Variants in RIMS2 observed in about 807,000 individuals in gnomAD.
The protein encoded by RIMS2 is regulating synaptic membrane exocytosis protein 2.
A neutral mutation model predicts 174.4 loss-of-function variants in RIMS2; 59 were observed. That is an observed-to-expected ratio of 0.34 (90% CI 0.27 to 0.42). The LOEUF is 0.42. Among genes scored for constraint, RIMS2 ranks in the 10% least tolerant of loss-of-function variants. The pLI, the probability that RIMS2 is intolerant of heterozygous loss-of-function variation, is 1.00. For synonymous variants in RIMS2, 606 were observed against 572.5 expected, an observed-to-expected ratio of 1.06 and a Z score of -0.84; for missense variants, 1,620 against 1,666.3, an observed-to-expected ratio of 0.97 and a Z score of 0.48.
intron 22 of RIMS2, among the ~76,000 whole-genome samples, chr8:104,250,521 T>C (rs1201082159): frequency 6.6e-6 from 1 of 152,208 alleles, no homozygotes; most frequent in Non-Finnish European, 1.5e-5. Context: ...GTTGGATAAA[T>C]TTTAAGCCAT....
chr8:103,614,100 A>T (rs2095449956), intron 1 of RIMS2, among the ~76,000 whole-genome samples: 1 of 152,238 alleles, frequency 6.6e-6, no homozygotes, highest in Non-Finnish European at 1.5e-5. Flanking sequence ...TCCCAGCACT[A>T]GAAGTTGCCT....
chr8:103,619,615 A>G (rs1199489105), intron 1 of RIMS2, among the ~76,000 whole-genome samples: 2 of 152,098 alleles, frequency 1.3e-5, no homozygotes, highest in East Asian at 3.9e-4. Context: ...AATCAGAACT[A>G]CAAAAAGGAG....
chr8:103,520,826 A>G (rs80327507), intron 1 of RIMS2, among the ~76,000 whole-genome samples: 9,709 of 152,118 alleles, frequency 0.064, 393 homozygotes, highest in South Asian at 0.087. Flanking sequence ...CCATCTTTCA[A>G]ATAGTTTCAT....
chr8:103,833,453 ATTG>A (rs1424867510), intron 3 of RIMS2, among the ~76,000 whole-genome samples: 3 of 152,134 alleles, frequency 2.0e-5, no homozygotes, highest in African/African-American at 7.2e-5. Flanking sequence ...AAGTTCGGCC[ATTG>A]TTGTAGCATT....
At chr8:104,234,949 C>T (rs570923420) in intron 19 of RIMS2, among the ~76,000 whole-genome samples, 3 of 152,244 alleles carry the variant, frequency 2.0e-5, no homozygotes, top group South Asian at 2.1e-4. Context: ...TCCAATTTTT[C>T]GTGTGGGTTG....
At chr8:103,773,366 T>C (rs920575644) in intron 3 of RIMS2, among the ~76,000 whole-genome samples, 1 of 152,172 alleles carries the variant, frequency 6.6e-6, no homozygotes, top group African/African-American at 2.4e-5. Context: ...AAGCTGTTTA[T>C]AAAAAAATAT....
chr8:103,995,849 G>C (rs987152252), intron 17 of RIMS2, among the ~76,000 whole-genome samples: 1 of 151,892 alleles, frequency 6.6e-6, no homozygotes, highest in African/African-American at 2.4e-5. Context: ...CTGATTTAAG[G>C]TGGTGGCAGG....
intron 19 of RIMS2, among the ~76,000 whole-genome samples, chr8:104,032,656 T>C (rs1042811174): frequency 1.3e-5 from 2 of 152,042 alleles, no homozygotes; most frequent in Non-Finnish European, 1.5e-5. Flanking sequence ...AAATTTTCAT[T>C]GAAAATTTAA....
At chr8:103,839,634 C>T (rs1035590181) in intron 3 of RIMS2, among the ~76,000 whole-genome samples, 2 of 152,100 alleles carry the variant, frequency 1.3e-5, no homozygotes, top group Admixed American at 1.3e-4. Context: ...AACTTTCAGT[C>T]CTCAGCAGGT....
chr8:103,779,466 A>C (rs1564601808), intron 3 of RIMS2, among the ~76,000 whole-genome samples: 1 of 151,986 alleles, frequency 6.6e-6, no homozygotes, highest in Non-Finnish European at 1.5e-5. Context: ...CTGTATATGA[A>C]TATCCAGTTT....
intron 19 of RIMS2, among the ~76,000 whole-genome samples, chr8:104,172,896 G>A (rs2098840302): frequency 6.6e-6 from 1 of 152,142 alleles, no homozygotes; most frequent in South Asian, 2.1e-4. Context: ...TTAATTTTCA[G>A]TTCTTTCCAA....
intron 19 of RIMS2, among the ~76,000 whole-genome samples, chr8:104,192,607 G>C (rs900370095): frequency 1.3e-5 from 2 of 152,076 alleles, no homozygotes; most frequent in African/African-American, 2.4e-5. Context: ...AATTGCTGCT[G>C]TACTTACTCA....
intron 1 of RIMS2, among the ~76,000 whole-genome samples, chr8:103,591,004 A>G (rs1393495533): frequency 2.7e-5 from 4 of 150,854 alleles, no homozygotes; most frequent in Non-Finnish European, 1.5e-5. Flanking sequence ...ACTCCCACCA[A>G]AAAAGGTATT....
intron 1 of RIMS2, among the ~76,000 whole-genome samples, chr8:103,689,606 A>G (rs2096987668): frequency 6.6e-6 from 1 of 152,142 alleles, no homozygotes; most frequent in African/African-American, 2.4e-5. Context: ...ATCATTACAT[A>G]ATGACCTTCT....
At chr8:103,890,261 G>A (rs924105448) in intron 4 of RIMS2, among the ~76,000 whole-genome samples, 4 of 151,898 alleles carry the variant, frequency 2.6e-5, no homozygotes, top group African/African-American at 7.2e-5. Flanking sequence ...TGTTTTCAGG[G>A]TGGAAAGAGT....
chr8:103,587,025 T>C (rs1332370082), intron 1 of RIMS2, among the ~76,000 whole-genome samples: 1 of 152,022 alleles, frequency 6.6e-6, no homozygotes, highest in African/African-American at 2.4e-5. Context: ...CAATCAAAAG[T>C]ATTGACTGGC....
chr8:104,051,222 C>A (rs977797238), intron 19 of RIMS2, among the ~76,000 whole-genome samples: 51 of 151,958 alleles, frequency 3.4e-4, no homozygotes, highest in African/African-American at 1.2e-3. Flanking sequence ...CTGGATAATG[C>A]AGCAAGACCC....
chr8:104,251,841 T>G, exon 24 of RIMS2: 2 of 1,233,064 alleles, frequency 1.6e-6, no homozygotes, highest in Non-Finnish European at 2.3e-6. Flanking sequence ...AAAATTGTTG[T>G]CACAGCAACC....
In RIMS2 at chr8:103,827,929, G is replaced by T. The variant is rs562856392; in HGVS notation, c.699-57369G>T. The stretch of plus-strand genomic sequence containing the variant: ...AAAAAAAAGGTGTGCATTTTGTGAA[G>T]TGCTTTTTCTTCAGTAATTGAAATT... On this transcript the variant is annotated intron_variant, in intron 3 of 23. Coordinates refer to ENST00000504942, the Ensembl canonical transcript of RIMS2. Among the ~76,000 whole-genome samples, 57 of 151,800 alleles carry T rather than the reference G, an allele frequency of 3.8e-4. No individual in the cohort carries two copies. The South Asian group carries it at 0.012, about 31-fold the overall frequency.
Sources: allele counts gnomAD v4.1 joint callset (sites outside exome capture counted in the v4.1 genomes callset), GRCh38; gene constraint gnomAD v4.1.1; transcripts MANE v1.5; gene names NCBI Gene and HGNC (gene_info 2026-07-23, HGNC 2026-07-21).